Variants in SPTBN1 observed in about 807,000 individuals in gnomAD.
SPTBN1 encodes spectrin beta, non-erythrocytic 1.
SPTBN1 carries 32 observed loss-of-function variants against 266.4 expected under a neutral mutation model. The ratio of observed to expected loss-of-function variants is 0.12; its 90% CI spans 0.09 to 0.16. SPTBN1 has a LOEUF of 0.16. SPTBN1 is among the 10% of genes least tolerant of loss of function. SPTBN1 has a pLI of 1.00. For synonymous variants in SPTBN1, 1,336 were observed against 1,162.2 expected (o/e 1.15, Z -3.04); for missense variants, 2,296 against 3,067.1 (o/e 0.75, Z 5.94).
chr2:54,647,149 T>A lies in SPTBN1; in HGVS notation c.4885T>A (p.Ser1629Thr). 6.2e-7 allele frequency: 1 copy of A among 1,614,180 alleles called. No homozygotes were observed. Among genetic ancestry groups the A allele is most frequent in the Non-Finnish European group, 8.5e-7 (1 of 1,180,034 alleles). ...EKAKDEQSAV[S>T]MLKKHQILEQ... ...TTTGCAGGATGAGCAGAGTGCTGTC[T>A]CCATGTTGAAGAAGCACCAGATCTT... Residue 1629 changes from serine to threonine, a missense_variant, in exon 24 of 36, where the codon TCC (serine) becomes ACC (threonine). Transcript: ENST00000356805.
chr2:54,621,211 G>C (rs1677972378), intron 7 of SPTBN1, among the ~76,000 whole-genome samples, 189 bp from the exon 8 acceptor site: 1 of 152,176 alleles, frequency 6.6e-6, no homozygotes, highest in Admixed American at 6.5e-5. Flanking sequence ...TTCACATAAT[G>C]GGGAATCAGT....
chr2:54,524,557 A>G (rs1319595809), intron 1 of SPTBN1, among the ~76,000 whole-genome samples: 1 of 152,046 alleles, frequency 6.6e-6, no homozygotes, highest in East Asian at 1.9e-4. Context: ...CACCGCCATC[A>G]TTTCTGGAGT....
chr2:54,604,950 A>G (rs773083297), intron 3 of SPTBN1, among the ~76,000 whole-genome samples: 9 of 152,144 alleles, frequency 5.9e-5, no homozygotes, highest in Non-Finnish European at 1.0e-4. Flanking sequence ...GCCCCACGTT[A>G]AGGGCGTTTC....
chr2:54,646,190 C>T lies in SPTBN1; in HGVS notation c.4585-4C>T. 6.2e-7 allele frequency: 1 copy of T among 1,608,730 alleles called. No individual in the cohort carries two copies. Among genetic ancestry groups the T allele is most frequent in the Non-Finnish European group, 8.5e-7 (1 of 1,176,774 alleles). On this transcript the variant is annotated splice_region_variant and splice_polypyrimidine_tract_variant and intron_variant, in intron 22 of 35. Transcript: ENST00000356805. This position sits in a 1 kb window ranked among gnomAD's most constrained non-coding sequence, Gnocchi z 4.4. ...CCTTTGTGTGTATTTTCCGCTCCCTCCAGACCCTCCAGAAAGAAATCCAGG... is the reference window on the plus strand; with the variant it reads ...CCTTTGTGTGTATTTTCCGCTCCCTTCAGACCCTCCAGAAAGAAATCCAGG...
rs1680915463 is a variant in SPTBN1 at position 54,659,791 on chromosome 2, A to C, written c.6357-145A>C. On this transcript the variant is annotated intron_variant, in intron 31 of 35. Coordinates refer to ENST00000356805, the MANE Select transcript of SPTBN1 (RefSeq NM_003128.3). ...TCTAGAGTCTATTTAAAACACTTGG[A>C]AGTTTCAGATTTAAAAAGAATTAAA... 4 of 1,442,812 alleles carry C rather than the reference A, an allele frequency of 2.8e-6. No individual in the cohort carries two copies. The South Asian group carries it at 6.1e-5, about 22-fold the overall frequency. 89.4% of individuals were successfully genotyped at this position (1,442,812 alleles called of 1,614,324 possible).
chr2:54,627,987 T>G, intron 12 of SPTBN1, 110 bp from the exon 13 acceptor site: 2 of 1,329,730 alleles, frequency 1.5e-6, no homozygotes, highest in African/African-American at 1.5e-5. Flanking sequence ...CATGGCAGAC[T>G]AGAGGGAAGG....
At chr2:54,632,454 C>A in intron 16 of SPTBN1, 112 bp from the exon 17 acceptor site, 1 of 1,109,398 alleles carries the variant, frequency 9.0e-7, no homozygotes, top group Non-Finnish European at 1.3e-6. Context: ...TTAATTATTT[C>A]ATGTAAGTGT....
At chr2:54,600,313 C>G (rs756932044) in intron 3 of SPTBN1, among the ~76,000 whole-genome samples, 2 of 152,212 alleles carry the variant, frequency 1.3e-5, no homozygotes, top group Non-Finnish European at 2.9e-5. Flanking sequence ...AAGAACAGGG[C>G]TCTCCAGAAG....
intron 23 of SPTBN1, 111 bp from the exon 24 acceptor site, chr2:54,647,020 T>C: frequency 2.0e-6 from 3 of 1,532,170 alleles, no homozygotes; most frequent in South Asian, 2.4e-5. Flanking sequence ...CTCTGGAGTT[T>C]TTCTTTCTAC....
chr2:54,645,219 C>T lies in SPTBN1; in HGVS notation c.4270-10C>T, dbSNP rs745650686. On this transcript the variant is annotated splice_polypyrimidine_tract_variant and intron_variant, in intron 20 of 35. Transcript: ENST00000356805. The surrounding 1 kb of genome is among the most constrained non-coding windows in gnomAD (Gnocchi z 4.3). ...TGTGCTGAGCGCTGAGGCTGCTTCTCTGCCCTCAGATGCTGGAGAATCAGA... is the reference window on the plus strand; with the variant it reads ...TGTGCTGAGCGCTGAGGCTGCTTCTTTGCCCTCAGATGCTGGAGAATCAGA... 1 of 1,613,988 alleles carries T rather than the reference C, an allele frequency of 6.2e-7. No individual in the cohort carries two copies. Among genetic ancestry groups the T allele is most frequent in the South Asian group, 1.1e-5 (1 of 91,054 alleles).
intron 2 of SPTBN1, chr2:54,534,934 C>G (rs545090233): frequency 6.6e-6 from 1 of 152,402 alleles, no homozygotes; most frequent in Admixed American, 6.5e-5. Flanking sequence ...GAGAACCTCT[C>G]TTGATCCTCA....
intron 1 of SPTBN1, among the ~76,000 whole-genome samples, chr2:54,524,551 G>C (rs900275431): frequency 6.6e-6 from 1 of 152,134 alleles, no homozygotes; most frequent in Non-Finnish European, 1.5e-5. Flanking sequence ...GAGCTGCACC[G>C]CCATCATTTC....
intron 1 of SPTBN1, among the ~76,000 whole-genome samples, chr2:54,465,828 A>G (rs1278371365): frequency 6.6e-6 from 1 of 151,924 alleles, no homozygotes; most frequent in African/African-American, 2.4e-5. Context: ...AGTGGAGGAA[A>G]TGTTTGGGAG....
chr2:54,631,404 G>A lies in SPTBN1; in HGVS notation c.3357G>A (p.Gln1119=). 6.2e-7 allele frequency: 1 copy of A among 1,614,264 alleles called. No individual in the cohort carries two copies. Among genetic ancestry groups the A allele is most frequent in the Non-Finnish European group, 8.5e-7 (1 of 1,180,044 alleles). ...TCGACAACTACGAGGAGGACTACCAGAAGATGAGGGACATGGGCGAGATGG... is the reference window on the plus strand; with the variant it reads ...TCGACAACTACGAGGAGGACTACCAAAAGATGAGGGACATGGGCGAGATGG... The part of the protein sequence containing the change: ...NEIDNYEEDY[Q]KMRDMGEMVT... Residue 1119 remains glutamine, a synonymous_variant, in exon 16 of 36, where the codon CAG becomes CAA. Coordinates refer to ENST00000356805, the MANE Select transcript of SPTBN1 (RefSeq NM_003128.3).
At chr2:54,492,725 C>T (rs769267500) in intron 1 of SPTBN1, among the ~76,000 whole-genome samples, 1 of 152,126 alleles carries the variant, frequency 6.6e-6, no homozygotes, top group Non-Finnish European at 1.5e-5. Context: ...ATACCCCCAG[C>T]CTGATGTAGA....
chr2:54,490,219 G>A (rs1027263033), intron 1 of SPTBN1, among the ~76,000 whole-genome samples: 5 of 151,824 alleles, frequency 3.3e-5, no homozygotes, highest in South Asian at 2.1e-4. Context: ...TTACAGCTGC[G>A]TGCCACCATG....
chr2:54,566,771 C>T (rs1046053239), intron 2 of SPTBN1, among the ~76,000 whole-genome samples: 1 of 151,944 alleles, frequency 6.6e-6, no homozygotes, highest in Non-Finnish European at 1.5e-5. Context: ...GCAGAGGTTG[C>T]AGTGAGCCAA....
intron 1 of SPTBN1, among the ~76,000 whole-genome samples, chr2:54,508,851 T>TA (rs1669712500): frequency 1.3e-5 from 2 of 152,216 alleles, no homozygotes; most frequent in Non-Finnish European, 2.9e-5. Flanking sequence ...TCTTTGGAAG[T>TA]AAAGCAGCCT....
chr2:54,478,414 G>A (rs1272371850), intron 1 of SPTBN1, among the ~76,000 whole-genome samples: 2 of 152,082 alleles, frequency 1.3e-5, no homozygotes, highest in African/African-American at 2.4e-5. Context: ...GGGGAGTTTC[G>A]TGGAAGAGCA....
Sources: allele counts gnomAD v4.1 joint callset (sites outside exome capture counted in the v4.1 genomes callset), GRCh38; gene constraint gnomAD v4.1.1; non-coding constraint Gnocchi (gnomAD v3.1); transcripts MANE v1.5; gene names NCBI Gene and HGNC (gene_info 2026-07-23, HGNC 2026-07-21).